Variants in THSD4 observed in about 807,000 individuals in gnomAD.
The protein encoded by THSD4 is thrombospondin type 1 domain containing 4.
THSD4 carries 69 observed loss-of-function variants against 119.0 expected under a neutral mutation model. The ratio of observed to expected loss-of-function variants is 0.58; its 90% CI spans 0.48 to 0.71. The LOEUF (loss-of-function observed/expected upper bound fraction) is 0.71. Ranked by LOEUF, THSD4 falls within the 30% of genes least tolerant of loss-of-function variation. The pLI is 0.00. For synonymous variants in THSD4, 524 were observed against 540.4 expected (o/e 0.97, Z 0.42); for missense variants, 1,393 against 1,391.1 (o/e 1.00, Z -0.02).
At chr15:71,603,615 C>A (rs1484414719) in intron 7 of THSD4, among the ~76,000 whole-genome samples, 1 of 152,146 alleles carries the variant, frequency 6.6e-6, no homozygotes, top group East Asian at 1.9e-4. Context: ...TGGAGGCTCC[C>A]ATAGGTTCAG....
intron 7 of THSD4, among the ~76,000 whole-genome samples, chr15:71,514,269 A>G (rs1358170131): frequency 6.6e-6 from 1 of 152,188 alleles, no homozygotes; most frequent in Non-Finnish European, 1.5e-5. Context: ...CCTGGGCATA[A>G]GGCTCATAAT....
intron 7 of THSD4, among the ~76,000 whole-genome samples, chr15:71,603,055 G>A (rs747808628): frequency 8.9e-4 from 135 of 152,296 alleles, no homozygotes; most frequent in Non-Finnish European, 1.5e-3. Flanking sequence ...GACCTGTGAG[G>A]GCTTAGCGGT....
intron 3 of THSD4, among the ~76,000 whole-genome samples, chr15:71,174,417 C>T (rs1247371188): frequency 6.7e-6 from 1 of 148,282 alleles, no homozygotes; most frequent in Non-Finnish European, 1.5e-5. Flanking sequence ...CCGAATATTG[C>T]GCTTTTCAGA....
intron 7 of THSD4, among the ~76,000 whole-genome samples, chr15:71,463,502 T>C (rs1271192355): frequency 2.0e-5 from 3 of 152,244 alleles, no homozygotes; most frequent in Non-Finnish European, 4.4e-5. Flanking sequence ...AAATGCCTGA[T>C]TAATCAATAC....
chr15:71,110,660 C>CTT, upstream of THSD4: 1 of 162,692 alleles, frequency 6.1e-6, no homozygotes, highest in Admixed American at 5.6e-5. Context: ...TAGCCAGTGT[C>CTT]CTGTATCTGC....
At chr15:71,503,989 T>C (rs921435736) in intron 7 of THSD4, among the ~76,000 whole-genome samples, 9 of 152,346 alleles carry the variant, frequency 5.9e-5, no homozygotes, top group African/African-American at 2.2e-4. Context: ...GCAGATAGTC[T>C]GTGGGACTCA....
chr15:71,443,635 C>G (rs1041246239), intron 7 of THSD4, among the ~76,000 whole-genome samples: 1 of 152,114 alleles, frequency 6.6e-6, no homozygotes, highest in Non-Finnish European at 1.5e-5. Flanking sequence ...CCTTCCAGGT[C>G]CCCCTGCTGG....
chr15:71,580,465 C>T (rs1313243212), intron 7 of THSD4, among the ~76,000 whole-genome samples: 3 of 152,126 alleles, frequency 2.0e-5, no homozygotes, highest in Non-Finnish European at 4.4e-5. Flanking sequence ...TATCCATCAC[C>T]TCACATCTTT....
At chr15:71,690,495 C>T (rs1009643212) in intron 8 of THSD4, among the ~76,000 whole-genome samples, 2 of 152,178 alleles carry the variant, frequency 1.3e-5, no homozygotes, top group Non-Finnish European at 2.9e-5. Flanking sequence ...CTTACTGATA[C>T]TCACTATGGT....
chr15:71,303,782 A>C (rs758479535), intron 6 of THSD4, among the ~76,000 whole-genome samples: 4 of 152,118 alleles, frequency 2.6e-5, no homozygotes, highest in Non-Finnish European at 5.9e-5. Flanking sequence ...TGACTCTGGC[A>C]TGGTTACCTC....
intron 6 of THSD4, among the ~76,000 whole-genome samples, chr15:71,338,851 G>A (rs76694810): frequency 0.029 from 4,402 of 152,226 alleles, 229 homozygotes; most frequent in African/African-American, 0.1. Context: ...CCAGTTTAAT[G>A]TAGCCAGAAC....
chr15:71,133,531 G>A (rs535211041), intron 1 of THSD4, among the ~76,000 whole-genome samples: 23 of 152,290 alleles, frequency 1.5e-4, no homozygotes, highest in African/African-American at 4.8e-4. Context: ...ATAATGATAC[G>A]CTTTGACGAT....
At chr15:71,155,898 A>C (rs1362168146) in intron 3 of THSD4, among the ~76,000 whole-genome samples, 1 of 152,100 alleles carries the variant, frequency 6.6e-6, no homozygotes, top group Non-Finnish European at 1.5e-5. Flanking sequence ...CAACCAGAAG[A>C]CAAGAAGGCT....
intron 7 of THSD4, among the ~76,000 whole-genome samples, chr15:71,578,013 G>A (rs2049486393): frequency 6.6e-6 from 1 of 151,680 alleles, no homozygotes; most frequent in South Asian, 2.1e-4. Flanking sequence ...TGCCTCCACT[G>A]TGGCCTCAAC....
intron 6 of THSD4, among the ~76,000 whole-genome samples, chr15:71,340,788 CAG>C (rs1437014100): frequency 6.6e-6 from 1 of 152,000 alleles, no homozygotes; most frequent in Non-Finnish European, 1.5e-5. Context: ...TTAGTAGAGA[CAG>C]AGTTTCGTCA....
intron 1 of THSD4, among the ~76,000 whole-genome samples, chr15:71,106,267 G>T (rs1371656382): frequency 6.6e-6 from 1 of 152,166 alleles, no homozygotes; most frequent in Non-Finnish European, 1.5e-5. Flanking sequence ...GCAGGCCTCA[G>T]TTCTACACAG....
chr15:71,631,890 C>G (rs2050636576), intron 7 of THSD4, among the ~76,000 whole-genome samples: 1 of 152,212 alleles, frequency 6.6e-6, no homozygotes, highest in East Asian at 1.9e-4. Context: ...ATATCCCAAG[C>G]TACAAAACCT....
intron 3 of THSD4, among the ~76,000 whole-genome samples, chr15:71,207,077 A>G (rs1431968346): frequency 1.3e-5 from 2 of 152,172 alleles, no homozygotes; most frequent in African/African-American, 4.8e-5. Context: ...ATTGCTCTGT[A>G]TTATTCATGA....
intron 4 of THSD4, among the ~76,000 whole-genome samples, chr15:71,216,465 C>T (rs1050444910): frequency 6.6e-6 from 1 of 152,194 alleles, no homozygotes; most frequent in Non-Finnish European, 1.5e-5. Context: ...AAAGGAGATG[C>T]GACACATCCA....
Sources: allele counts gnomAD v4.1 joint callset (sites outside exome capture counted in the v4.1 genomes callset), GRCh38; gene constraint gnomAD v4.1.1; transcripts MANE v1.5; gene names NCBI Gene and HGNC (gene_info 2026-07-23, HGNC 2026-07-21).